CLGN: variants seen among roughly 807,000 people sequenced by gnomAD.
CLGN encodes calmegin, also known as testis tissue sperm-binding protein Li 79P.
A neutral mutation model predicts 79.1 loss-of-function variants in CLGN; 62 were observed. That is an observed-to-expected ratio of 0.78 (90% CI 0.64 to 0.97). CLGN has a LOEUF of 0.97. CLGN is among the 50% of genes least tolerant of loss of function. The probability of loss-of-function intolerance (pLI) is 0.00; values close to 1 mark genes in which losing one functional copy is unlikely to be tolerated. For synonymous variants in CLGN, 225 were observed against 224.7 expected (o/e 1.00, Z -0.01); for missense variants, 647 against 715.5 (o/e 0.90, Z 1.09).
At chr4:140,396,433 C>T (rs866635953) in intron 8 of CLGN, among the ~76,000 whole-genome samples, 1 of 151,938 alleles carries the variant, frequency 6.6e-6, no homozygotes, top group African/African-American at 2.4e-5. Context: ...TTTTTTAATA[C>T]GAATGATAGC....
rs189708939 is a variant in CLGN, at chr4:140,389,187, A to G, written c.*37T>C. On this transcript the variant is annotated 3_prime_UTR_variant, in exon 15 of 15. Transcript: ENST00000325617. The stretch of plus-strand genomic sequence containing the variant: ...GGCATGCTGATTTTTACAATGCCAA[A>G]CATCCCTCTCGGGAATTAAAAATAT... The G allele has an allele frequency of 1.8e-4, 278 of 1,551,334 alleles. 1 individual carries two copies. The highest frequency in any genetic ancestry group is 1.6e-3 in the Admixed American group (93 of 59,754).
chr4:140,411,163 T>C (rs180951368), intron 2 of CLGN, among the ~76,000 whole-genome samples: 1 of 152,174 alleles, frequency 6.6e-6, no homozygotes, highest in Non-Finnish European at 1.5e-5. Context: ...GTGGCAATAA[T>C]GATGATGGTG....
intron 4 of CLGN, among the ~76,000 whole-genome samples, chr4:140,406,795 T>G (rs1729116764): frequency 6.6e-6 from 1 of 152,248 alleles, no homozygotes; most frequent in Non-Finnish European, 1.5e-5. Flanking sequence ...GGGCTACCTA[T>G]AGCCCAAAAG....
At chr4:140,411,250 A>G (rs944162541) in intron 2 of CLGN, among the ~76,000 whole-genome samples, 1 of 152,004 alleles carries the variant, frequency 6.6e-6, no homozygotes, top group Non-Finnish European at 1.5e-5. Context: ...ATTAGTAACC[A>G]CTTTATATAT....
chr4:140,404,651 TTTTC>T (rs1232263362), intron 5 of CLGN, among the ~76,000 whole-genome samples: 1 of 151,186 alleles, frequency 6.6e-6, no homozygotes, highest in Non-Finnish European at 1.5e-5. Context: ...TCCTCTTTTT[TTTTC>T]TTTCTTTCTT....
chr4:140,397,769 T>G (rs1039658262), intron 8 of CLGN, among the ~76,000 whole-genome samples: 13 of 152,086 alleles, frequency 8.5e-5, no homozygotes, highest in African/African-American at 3.1e-4. Flanking sequence ...CCGGGCGTGG[T>G]GGCGCTTGCC....
At chr4:140,404,806 C>T (rs1729067961) in intron 5 of CLGN, among the ~76,000 whole-genome samples, 1 of 152,078 alleles carries the variant, frequency 6.6e-6, no homozygotes, top group Admixed American at 6.5e-5. Flanking sequence ...AGTCGGGCAC[C>T]ACCATGCCTG....
intron 12 of CLGN, 82 bp from the exon 13 acceptor site, chr4:140,392,460 T>A (rs1279603036): frequency 3.4e-6 from 5 of 1,485,336 alleles, no homozygotes; most frequent in Non-Finnish European, 4.5e-6. Context: ...ATAACATACA[T>A]AATGAACTAT....
rs145828622 is a variant in CLGN, at chr4:140,390,720, T to C, written c.1660A>G (p.Ser554Gly). ...TCTTCACTCTTTTCCTCAGGTTCAC[T>C]TTCCTCTTCTAGAATACAGATTTTG... Reference protein sequence around the residue: ...DGEMLEKEEESEPEEKSEEEI... With the variant: ...DGEMLEKEEEGEPEEKSEEEI... The change falls in exon 14 of 15, where the codon AGT becomes GGT. Residue 554 changes from serine (S) to glycine (G), a missense_variant. Transcript: ENST00000325617. 1.2e-4 allele frequency: 195 copies of C among 1,599,354 alleles called. 1 individual carries two copies. Among genetic ancestry groups the C allele is most frequent in the Non-Finnish European group, 1.6e-4 (187 of 1,171,384 alleles).
intron 10 of CLGN, among the ~76,000 whole-genome samples, chr4:140,395,209 C>T (rs910279024): frequency 1.3e-5 from 2 of 151,268 alleles, no homozygotes. Flanking sequence ...TGCAGTGGCA[C>T]GATCTCAGCT....
Position 140,394,048 on chromosome 4 carries a change from G to A in CLGN, c.1150-7C>T. 1 of 1,585,234 alleles carries A rather than the reference G, an allele frequency of 6.3e-7. No individual in the cohort carries two copies. The highest frequency in any genetic ancestry group is 8.6e-7 in the Non-Finnish European group (1 of 1,157,310). ...TTCGAGGACTCCAGATTCCCTGGAA[G>A]AAAAGTAATTGAAGACATTTTCAAA... On this transcript the variant is annotated splice_polypyrimidine_tract_variant and splice_region_variant and intron_variant, in intron 10 of 14. Coordinates refer to ENST00000325617, the MANE Select transcript of CLGN (RefSeq NM_004362.3).
chr4:140,421,733 T>C (rs1729473556), intron 1 of CLGN, among the ~76,000 whole-genome samples: 1 of 152,188 alleles, frequency 6.6e-6, no homozygotes, highest in Non-Finnish European at 1.5e-5. Context: ...GCAAATATTT[T>C]CTCCCATTGC....
chr4:140,396,907 G>GTATATATATATATATATATGTA (rs10640037), intron 8 of CLGN, among the ~76,000 whole-genome samples: 1 of 117,348 alleles, frequency 8.5e-6, no homozygotes, highest in Non-Finnish European at 1.7e-5. Flanking sequence ...ATATATATAT[G>GTATATATATATATATATATGTA]TATATATATA....
chr4:140,417,456 T>G, intron 1 of CLGN, among the ~76,000 whole-genome samples: 2 of 135,736 alleles, frequency 1.5e-5, no homozygotes, highest in East Asian at 4.2e-4. Flanking sequence ...AAAACCCCAT[T>G]GTCTCAGCCC....
rs111457705 is a variant in CLGN at position 140,403,408 on chromosome 4, G to A, written c.420-1342C>T. On this transcript the variant is annotated intron_variant, in intron 5 of 14. Transcript: ENST00000325617. The stretch of plus-strand genomic sequence containing the variant: ...ATAATCAGAAGGAAGGTATTCTTTC[G>A]TTCTTTTTCATTTTTTAAATAGAGG... Among the ~76,000 whole-genome samples, 1,171 of 152,096 alleles carry A rather than the reference G, an allele frequency of 7.7e-3. 11 individuals carry two copies. The highest frequency in any genetic ancestry group is 0.026 in the African/African-American group (1,070 of 41,516).
intron 1 of CLGN, among the ~76,000 whole-genome samples, chr4:140,425,479 C>T (rs973881751): frequency 1.4e-5 from 2 of 145,500 alleles, no homozygotes; most frequent in Admixed American, 1.4e-4. Context: ...TACATACAGG[C>T]ATACCTCATT....
At chr4:140,396,887 A>ATACG (rs1728893095) in intron 8 of CLGN, among the ~76,000 whole-genome samples, 2 of 60,274 alleles carry the variant, frequency 3.3e-5, no homozygotes, top group Non-Finnish European at 2.8e-5. Context: ...ATATATATAT[A>ATACG]TATGTATATA....
chr4:140,405,890 C>T, intron 5 of CLGN, 52 bp downstream of exon 5: 1 of 1,547,744 alleles, frequency 6.5e-7, no homozygotes, highest in Non-Finnish European at 8.7e-7. Context: ...ATTCAGAAGC[C>T]AAAGCTAATA....
intron 1 of CLGN, among the ~76,000 whole-genome samples, chr4:140,420,127 GA>G (rs200664693): frequency 1.3e-5 from 2 of 150,302 alleles, no homozygotes; most frequent in Non-Finnish European, 3.0e-5. Context: ...TTAATTTGTT[GA>G]AAAAAAAACA....
Sources: gnomAD v4.1 joint callset for allele counts (sites outside exome capture counted in the v4.1 genomes callset) on GRCh38, gnomAD v4.1.1 for gene constraint, MANE v1.5 for transcripts, NCBI Gene and HGNC (gene_info 2026-07-23, HGNC 2026-07-21) for gene names.